The following FRMD4A variants were observed in gnomAD, a reference collection of about 807,000 sequenced individuals.
FRMD4A encodes the protein FERM domain containing 4A.
In FRMD4A, 29 loss-of-function variants were observed where a neutral mutation model predicts 129.1. The ratio of observed to expected loss-of-function variants is 0.22; its 90% CI spans 0.17 to 0.31. The LOEUF (loss-of-function observed/expected upper bound fraction) is 0.31, where lower values mean the gene tolerates loss of function less well. FRMD4A is among the 10% of genes least tolerant of loss of function. The probability of loss-of-function intolerance (pLI) is 1.00; values close to 1 mark genes in which losing one functional copy is unlikely to be tolerated. For synonymous variants in FRMD4A, 634 were observed against 571.6 expected, an observed-to-expected ratio of 1.11 and a Z score of -1.56; for missense variants, 1,272 against 1,375.8, an observed-to-expected ratio of 0.92 and a Z score of 1.19.
At chr10:13,794,247 C>A (rs949580496) in intron 5 of FRMD4A, among the ~76,000 whole-genome samples, 2 of 151,952 alleles carry the variant, frequency 1.3e-5, no homozygotes, top group African/African-American at 2.4e-5. Flanking sequence ...CAAAAATTAG[C>A]TGGGTATGGT....
Position 14,240,647 on chromosome 10 carries a change from A to G in FRMD4A, c.45+89411T>C, listed in dbSNP as rs139499958. 2.1e-3 allele frequency among the ~76,000 whole-genome samples: 322 copies of G among 152,228 alleles called. 1 individual carries two copies. Among genetic ancestry groups the G allele is most frequent in the African/African-American group, 7.4e-3 (307 of 41,534 alleles). ...TGTACCTGCATAACGTTTAACCATT[A>G]TTATTAAATTTGTCCGTTCAGCAAG... On this transcript the variant is annotated intron_variant, in intron 2 of 24. Transcript: ENST00000357447.
intron 2 of FRMD4A, among the ~76,000 whole-genome samples, chr10:13,968,304 A>C (rs973868365): frequency 1.3e-5 from 2 of 152,244 alleles, no homozygotes; most frequent in African/African-American, 2.4e-5. Flanking sequence ...CAAACTACAA[A>C]AAAGTACTGC....
chr10:13,897,117 T>A (rs2094767762), intron 2 of FRMD4A, among the ~76,000 whole-genome samples: 1 of 152,234 alleles, frequency 6.6e-6, no homozygotes, highest in South Asian at 2.1e-4. Context: ...AAGTGCTGCT[T>A]CGCTGACCAG....
At chr10:13,886,774 A>G (rs1276754640) in intron 2 of FRMD4A, among the ~76,000 whole-genome samples, 1 of 152,170 alleles carries the variant, frequency 6.6e-6, no homozygotes, top group African/African-American at 2.4e-5. Flanking sequence ...AAGTCTAAAC[A>G]GATCCATGTT....
At chr10:14,328,404 C>T (rs896351055) in intron 2 of FRMD4A, among the ~76,000 whole-genome samples, 3 of 144,512 alleles carry the variant, frequency 2.1e-5, no homozygotes, top group Admixed American at 7.0e-5. Context: ...GAAATGGATG[C>T]TATTCATTTA....
At chr10:14,120,248 T>G (rs77580975) in intron 2 of FRMD4A, among the ~76,000 whole-genome samples, 9,919 of 152,166 alleles carry the variant, frequency 0.065, 422 homozygotes, top group African/African-American at 0.11. Context: ...CACTGCTTTT[T>G]TTTTTCTGAA....
rs546501617 is a variant in FRMD4A at position 13,796,402 on chromosome 10, C to T, written c.299+94G>A. ...ATCCCTGGCAATGAACCAAGACAAA[C>T]TTGAGCTCTCTTTCCTTGGAATCAC... On this transcript the variant is annotated intron_variant, in intron 5 of 24. Transcript: ENST00000357447. The T allele has an allele frequency of 5.5e-4, 405 of 732,560 alleles. 1 individual carries two copies. The highest frequency in any genetic ancestry group is 7.9e-4 in the Non-Finnish European group (318 of 402,080). 45.4% of individuals were successfully genotyped at this position (732,560 alleles called of 1,614,324 possible).
At chr10:14,091,296 A>C (rs2131752360) in intron 2 of FRMD4A, among the ~76,000 whole-genome samples, 1 of 152,304 alleles carries the variant, frequency 6.6e-6, no homozygotes, top group Admixed American at 6.5e-5. Flanking sequence ...AAAAAAGGCA[A>C]ACAAATCCAA....
At chr10:13,971,601 T>C (rs764621064) in intron 2 of FRMD4A, 158 of 1,068,828 alleles carry the variant, frequency 1.5e-4, no homozygotes, top group Non-Finnish European at 2.0e-4. Context: ...TTCTCCACCA[T>C]TCACCACCAC....
chr10:13,775,024 A>T (rs2092563359), intron 6 of FRMD4A, among the ~76,000 whole-genome samples: 1 of 152,112 alleles, frequency 6.6e-6, no homozygotes, highest in Non-Finnish European at 1.5e-5. Flanking sequence ...TAAAGTAAAT[A>T]CTGACAAAGC....
At chr10:14,329,357 C>T (rs1039227412) in intron 2 of FRMD4A, among the ~76,000 whole-genome samples, 5 of 152,184 alleles carry the variant, frequency 3.3e-5, no homozygotes, top group African/African-American at 1.2e-4. Flanking sequence ...AAGCCAAAAG[C>T]CAATTGGGTT....
intron 2 of FRMD4A, among the ~76,000 whole-genome samples, chr10:14,027,336 G>T (rs1342977398): frequency 6.6e-6 from 1 of 152,138 alleles, no homozygotes; most frequent in South Asian, 2.1e-4. Flanking sequence ...AATTTTTTGG[G>T]GGGCTTTAAA....
At chr10:14,123,169 G>T (rs1455237091) in intron 2 of FRMD4A, among the ~76,000 whole-genome samples, 1 of 152,106 alleles carries the variant, frequency 6.6e-6, no homozygotes, top group Non-Finnish European at 1.5e-5. Flanking sequence ...GAGGCTGCAT[G>T]ACCCTTGCAA....
At chr10:13,829,322 C>T (rs1459833491) in intron 3 of FRMD4A, among the ~76,000 whole-genome samples, 10 of 152,108 alleles carry the variant, frequency 6.6e-5, no homozygotes, top group South Asian at 2.1e-4. Context: ...GCCAGGAATT[C>T]GAGACCAGCC....
chr10:13,927,582 A>G (rs1216130202), intron 2 of FRMD4A, among the ~76,000 whole-genome samples: 4 of 152,208 alleles, frequency 2.6e-5, no homozygotes, highest in Non-Finnish European at 5.9e-5. Flanking sequence ...AAAATAGCCA[A>G]AAAATACCCT....
At chr10:14,287,536 C>A (rs757959704) in intron 2 of FRMD4A, among the ~76,000 whole-genome samples, 3 of 152,138 alleles carry the variant, frequency 2.0e-5, no homozygotes, top group Non-Finnish European at 2.9e-5. Context: ...CTTTAGGATC[C>A]AAAGAGTAAG....
intron 4 of FRMD4A, among the ~76,000 whole-genome samples, chr10:13,807,955 T>C (rs935749092): frequency 3.9e-5 from 6 of 152,124 alleles, no homozygotes; most frequent in Admixed American, 2.6e-4. Flanking sequence ...CATGCCACCA[T>C]GCCTGACTGA....
At chr10:14,123,730 G>T (rs1011449499) in intron 2 of FRMD4A, among the ~76,000 whole-genome samples, 2 of 152,168 alleles carry the variant, frequency 1.3e-5, no homozygotes, top group African/African-American at 4.8e-5. Flanking sequence ...CCTGGGAGAG[G>T]CCACAGAACT....
chr10:13,747,856 T>C (rs769715410), intron 8 of FRMD4A, 37 bp from the exon 9 acceptor site: 5 of 1,184,800 alleles, frequency 4.2e-6, no homozygotes, highest in East Asian at 2.3e-5. Flanking sequence ...ACTCACCCTC[T>C]GAGAAAATAA....
Sources: gnomAD v4.1 joint callset for allele counts (sites outside exome capture counted in the v4.1 genomes callset) on GRCh38, gnomAD v4.1.1 for gene constraint, MANE v1.5 for transcripts, NCBI Gene and HGNC (gene_info 2026-07-23, HGNC 2026-07-21) for gene names.